The following CBL variants were observed in gnomAD, a reference collection of about 807,000 sequenced individuals.
The protein encoded by CBL is Cbl proto-oncogene, also known as E3 ubiquitin-protein ligase CBL.
In CBL, 45 loss-of-function variants were observed where a neutral mutation model predicts 96.9. The ratio of observed to expected loss-of-function variants is 0.46; its 90% confidence interval spans 0.37 to 0.60. CBL has a LOEUF of 0.60. Among genes scored for constraint, CBL ranks in the 20% least tolerant of loss-of-function variants. CBL has a pLI of 0.00. For synonymous variants in CBL, 420 were observed against 426.8 expected, an observed-to-expected ratio of 0.98 and a Z score of 0.20; for missense variants, 1,024 against 1,143.5, an observed-to-expected ratio of 0.90 and a Z score of 1.51.
At chr11:119,213,656 T>C (rs1949335567) in intron 1 of CBL, among the ~76,000 whole-genome samples, 1 of 152,158 alleles carries the variant, frequency 6.6e-6, no homozygotes, top group Non-Finnish European at 1.5e-5. Context: ...TTTAGTACAC[T>C]TGGAAGAGGG....
intron 2 of CBL, among the ~76,000 whole-genome samples, chr11:119,250,261 A>G (rs925710912): frequency 1.3e-5 from 2 of 152,170 alleles, no homozygotes; most frequent in African/African-American, 4.8e-5. Context: ...TTGAATTGTA[A>G]GATTTTTTTC....
Position 119,287,853 on chromosome 11 carries a change from G to A in CBL, c.1943G>A (p.Ser648Asn), listed in dbSNP as rs1949995848. The A allele has an allele frequency of 1.2e-6, 2 of 1,604,270 alleles. No homozygotes were observed. The highest frequency in any genetic ancestry group is 3.3e-5 in the Admixed American group (2 of 60,004). Reference protein sequence around the residue: ...GSTFSLDTSMSMNSSPLVGPE... With the variant: ...GSTFSLDTSMNMNSSPLVGPE... The stretch of plus-strand genomic sequence containing the variant: ...TCAACACTTTTCTTTACTTTCCAGA[G>A]TATGAATAGCAGCCCATTAGTAGGT... The change falls in exon 12 of 16, where the codon AGT becomes AAT. Residue 648 changes from serine (S) to asparagine (N), a missense_variant and splice_region_variant. Coordinates refer to ENST00000264033, the MANE Select transcript of CBL (RefSeq NM_005188.4).
chr11:119,229,429 T>G (rs1250866033), intron 1 of CBL, among the ~76,000 whole-genome samples: 1 of 152,196 alleles, frequency 6.6e-6, no homozygotes, highest in Non-Finnish European at 1.5e-5. Context: ...TTTTTGTTGA[T>G]TCAGCTTGTC....
chr11:119,267,892 A>G (rs1004810375), intron 2 of CBL, among the ~76,000 whole-genome samples: 3 of 152,246 alleles, frequency 2.0e-5, no homozygotes, highest in African/African-American at 7.2e-5. Context: ...AGAGAACTGC[A>G]GAGAAAACAC....
chr11:119,208,434 AGGC>A (rs1451520738), intron 1 of CBL, among the ~76,000 whole-genome samples: 1 of 150,432 alleles, frequency 6.6e-6, no homozygotes, highest in Non-Finnish European at 1.5e-5. Context: ...CTTGTTACCC[AGGC>A]TGGAGTGCAT....
At chr11:119,278,130 T>G (rs1215801262) in intron 7 of CBL, 36 bp from the exon 8 acceptor site, 1 of 1,476,390 alleles carries the variant, frequency 6.8e-7, no homozygotes, top group African/African-American at 1.4e-5. Flanking sequence ...CAGTTATTTA[T>G]TCAACTAATA....
In CBL at chr11:119,232,498, T is replaced by G. The variant is rs764747073; in HGVS notation, c.246T>G (p.Pro82=). The part of the protein sequence containing the change: ...NPKLALKNSP[P]YILDLLPDTY... ...AGCTGGCGCTAAAGAATAGCCCACC[T>G]TATATCTTAGACCTGCTACCAGATA... Residue 82 remains proline (P), a synonymous_variant, in exon 2 of 16, where the codon CCT becomes CCG. Coordinates refer to ENST00000264033, the MANE Select transcript of CBL (RefSeq NM_005188.4). The G allele has an allele frequency of 1.9e-6, 3 of 1,614,052 alleles. No homozygotes were observed. Among genetic ancestry groups the G allele is most frequent in the Admixed American group, 3.3e-5 (2 of 60,016 alleles).
chr11:119,275,662 A>G (rs575614010), intron 5 of CBL, among the ~76,000 whole-genome samples: 1 of 152,238 alleles, frequency 6.6e-6, no homozygotes, highest in African/African-American at 2.4e-5. Flanking sequence ...CAGAAGTTTA[A>G]GACTGGCCTG....
At position 119,285,245 on chromosome 11, in the gene CBL, A is replaced by C; in HGVS notation, c.1620A>C (p.Arg540=). 1.2e-6 allele frequency: 2 copies of C among 1,613,974 alleles called. No homozygotes were observed. The highest frequency in any genetic ancestry group is 2.2e-5 in the South Asian group (2 of 91,064). ...CATTGCCAGTACCTCCCACACTTCGAGATCTTCCACCACCACCGCCTCCAG... is the reference window on the plus strand; with the variant it reads ...CATTGCCAGTACCTCCCACACTTCGCGATCTTCCACCACCACCGCCTCCAG... ...DKPLPVPPTL[R]DLPPPPPPDR... is the part of the protein sequence containing the mutation. Residue 540 remains arginine, a synonymous_variant, in exon 11 of 16, where the codon CGA becomes CGC. Coordinates refer to ENST00000264033, the MANE Select transcript of CBL (RefSeq NM_005188.4).
Position 119,206,433 on chromosome 11 carries a change from A to C in CBL, c.16A>C (p.Lys6Gln), listed in dbSNP as rs746355406. Residue 6 changes from lysine (K) to glutamine (Q), a missense_variant, in exon 1 of 16, where the codon AAG (lysine) becomes CAG (glutamine). Lys to Gln is a moderately conservative substitution (Grantham distance 53, BLOSUM62 1). Coordinates refer to ENST00000264033, the MANE Select transcript of CBL (RefSeq NM_005188.4). Reference protein sequence around the residue: MAGNVKKSSGAGGGSG... With the variant: MAGNVQKSSGAGGGSG... ...TGCCCAGGCCATGGCCGGCAACGTG[A>C]AGAAGAGCTCTGGGGCCGGGGGCGG... is the stretch of plus-strand genomic sequence containing the variant. 1.9e-6 allele frequency: 3 copies of C among 1,572,394 alleles called. No homozygotes were observed. Among genetic ancestry groups the C allele is most frequent in the Non-Finnish European group, 2.6e-6 (3 of 1,164,336 alleles).
At chr11:119,229,973 A>C (rs1418863341) in intron 1 of CBL, among the ~76,000 whole-genome samples, 1 of 152,168 alleles carries the variant, frequency 6.6e-6, no homozygotes, top group Non-Finnish European at 1.5e-5. Context: ...GAAGAATGAA[A>C]TATCCAAGCA....
chr11:119,302,691 C>T lies in CBL; in HGVS notation c.*2910C>T, dbSNP rs987016300. The T allele has an allele frequency of 8.6e-6, 2 of 231,332 alleles. No individual in the cohort carries two copies. The highest frequency in any genetic ancestry group is 2.2e-5 in the African/African-American group (1 of 45,224). The allele number at this position is 231,332 out of a possible 1,614,324, so 14.3% of individuals were successfully genotyped here. ...GCAGCAACTGGACCTTTCCAGCTGT[C>T]GCCATGTTCCTTCCACTAAAGTAGA... is the stretch of plus-strand genomic sequence containing the variant. On this transcript the variant is annotated 3_prime_UTR_variant, in exon 16 of 16. Coordinates refer to ENST00000264033, the MANE Select transcript of CBL (RefSeq NM_005188.4).
At chr11:119,238,169 C>T (rs190977686) in intron 2 of CBL, among the ~76,000 whole-genome samples, 1 of 149,060 alleles carries the variant, frequency 6.7e-6, no homozygotes, top group African/African-American at 2.5e-5. Context: ...GCCCAGCCTC[C>T]CTTGAATTTC....
At chr11:119,273,836 C>G in intron 3 of CBL, 32 bp from the exon 4 acceptor site, 1 of 1,600,532 alleles carries the variant, frequency 6.2e-7, no homozygotes, top group South Asian at 1.1e-5. Flanking sequence ...TCTGTTATTT[C>G]ACTTTATGCC....
At chr11:119,296,809 T>G (rs1397370465) in intron 12 of CBL, 109 bp from the exon 13 acceptor site, 5 of 703,998 alleles carry the variant, frequency 7.1e-6, no homozygotes, top group Non-Finnish European at 1.0e-5. Context: ...GTGACATGTA[T>G]TTTGCTCTGT....
rs1253368761 is a variant in CBL, at chr11:119,206,427, A to T, written c.10A>T (p.Asn4Tyr). ...CGACCCTGCCCAGGCCATGGCCGGC[A>T]ACGTGAAGAAGAGCTCTGGGGCCGG... MAG[N>Y]VKKSSGAGGG... Residue 4 changes from asparagine (N) to tyrosine (Y), a missense_variant, in exon 1 of 16, where the codon AAC becomes TAC. By Grantham distance (143) the Asn-to-Tyr change is moderately radical (BLOSUM62 -2). Transcript: ENST00000264033. The T allele has an allele frequency of 6.4e-7, 1 of 1,567,392 alleles. No individual in the cohort carries two copies. Among genetic ancestry groups the T allele is most frequent in the East Asian group, 2.3e-5 (1 of 43,288 alleles).
At chr11:119,296,419 T>C (rs1231299113) in intron 12 of CBL, among the ~76,000 whole-genome samples, 1 of 152,214 alleles carries the variant, frequency 6.6e-6, no homozygotes, top group African/African-American at 2.4e-5. Flanking sequence ...AGATCTGGGA[T>C]CTAGCCTCAG....
chr11:119,252,886 A>G (rs1949681197), intron 2 of CBL, among the ~76,000 whole-genome samples: 1 of 142,026 alleles, frequency 7.0e-6, no homozygotes, highest in Non-Finnish European at 1.5e-5. Context: ...CATCTCAAGA[A>G]AAAAAAAAAA....
At chr11:119,225,559 A>G (rs1051605559) in intron 1 of CBL, among the ~76,000 whole-genome samples, 2 of 151,686 alleles carry the variant, frequency 1.3e-5, no homozygotes, top group African/African-American at 4.8e-5. Flanking sequence ...CACCACATCC[A>G]GTTAATTTTT....
Sources: allele counts gnomAD v4.1 joint callset (sites outside exome capture counted in the v4.1 genomes callset), GRCh38; gene constraint gnomAD v4.1.1; transcripts MANE v1.5; gene names NCBI Gene and HGNC (gene_info 2026-07-23, HGNC 2026-07-21).